TRMT11: variants seen among roughly 807,000 people sequenced by gnomAD.
TRMT11 encodes the protein tRNA methyltransferase 11, also known as tRNA (guanine(10)-N(2))-methyltransferase TRMT11.
A neutral mutation model predicts 62.8 loss-of-function variants in TRMT11; 53 were observed. That is an observed-to-expected ratio of 0.84 (90% CI 0.68 to 1.06). The LOEUF is 1.06. Among genes scored for constraint, TRMT11 ranks in the 50% least tolerant of loss-of-function variants. The probability of loss-of-function intolerance (pLI) is 0.00; values close to 1 mark genes in which losing one functional copy is unlikely to be tolerated. For missense variants in TRMT11, 556 were observed against 553.4 expected, an observed-to-expected ratio of 1.00 and a Z score of -0.05; for synonymous variants, 188 against 190.3, an observed-to-expected ratio of 0.99 and a Z score of 0.10.
At chr6:126,181,373 C>T (rs1293221708) in intron 1 of TRMT11, among the ~76,000 whole-genome samples, 1 of 152,172 alleles carries the variant, frequency 6.6e-6, no homozygotes, top group African/African-American at 2.4e-5. Flanking sequence ...GTTAGTCCCA[C>T]TCCTGTCCTC....
chr6:126,006,142 A>T lies in TRMT11; in HGVS notation c.680-2250A>T, dbSNP rs140724732. On this transcript the variant is annotated intron_variant, in intron 7 of 12. Coordinates refer to ENST00000334379, the MANE Select transcript of TRMT11 (RefSeq NM_001031712.3). Reference sequence around the variant, plus strand: ...GCATTTTTTTCCCACTACCCTTTGTAGTCCCCTTTTCCTGGAATCCCATGG... The same window carrying T: ...GCATTTTTTTCCCACTACCCTTTGTTGTCCCCTTTTCCTGGAATCCCATGG... Among the ~76,000 whole-genome samples, 622 of 152,022 alleles carry T rather than the reference A, an allele frequency of 4.1e-3. 1 individual carries two copies. The highest frequency in any genetic ancestry group is 0.014 in the African/African-American group (575 of 41,496).
In TRMT11 at chr6:125,998,130, A is replaced by C. The variant is rs1396487188; in HGVS notation, c.290A>C (p.Lys97Thr). The C allele has an allele frequency of 1.2e-6, 2 of 1,613,324 alleles. No individual in the cohort carries two copies. The highest frequency in any genetic ancestry group is 3.3e-5 in the Admixed American group (2 of 60,016). ...TCTCTTAAAAACTACCCTGTGGAGA[A>C]GATGGTGCGTAGTAAAATGTGGTTT... Reference protein sequence around the residue: ...YSSLKNYPVEKMVPFLHSDST... With the variant: ...YSSLKNYPVETMVPFLHSDST... The change falls in exon 4 of 13, where the codon AAG (lysine) becomes ACG (threonine). Residue 97 changes from lysine (K) to threonine (T), a missense_variant. Physicochemically the swap from Lys to Thr is moderately conservative, Grantham distance 78. Transcript: ENST00000334379.
chr6:126,083,235 A>G (rs1258011644), intron 17 of TRMT11, among the ~76,000 whole-genome samples: 3 of 152,110 alleles, frequency 2.0e-5, no homozygotes, highest in Non-Finnish European at 4.4e-5. Flanking sequence ...CTATGAGGCA[A>G]CCTGAAGTGC....
chr6:126,089,359 G>C lies in TRMT11; in HGVS notation c.*1438-23507G>C, dbSNP rs946946875. On this transcript the variant is annotated intron_variant and NMD_transcript_variant, in intron 17 of 22. Transcript: ENST00000648977. ...GAACTCCTGACCTCGGGATCCGCCT[G>C]TCTCGGCCTCCCAAAGTGCTGGGAT... 2.6e-5 allele frequency among the ~76,000 whole-genome samples: 4 copies of C among 152,232 alleles called. No individual in the cohort carries two copies. The East Asian group carries it at 7.7e-4, about 29-fold the overall frequency.
intron 1 of TRMT11, among the ~76,000 whole-genome samples, chr6:126,198,454 C>A (rs1159883923): frequency 6.6e-6 from 1 of 152,118 alleles, no homozygotes; most frequent in Non-Finnish European, 1.5e-5. Flanking sequence ...ATTTCCATAT[C>A]TTATTTTCAG....
chr6:125,997,383 TTAACATGAAA>T (rs1791688384), intron 3 of TRMT11, among the ~76,000 whole-genome samples: 1 of 152,254 alleles, frequency 6.6e-6, no homozygotes, highest in African/African-American at 2.4e-5. Context: ...TAATTTATTA[TTAACATGAAA>T]TATTTTGAGC....
chr6:126,163,270 G>C (rs769411287), intron 21 of TRMT11, among the ~76,000 whole-genome samples: 6 of 151,556 alleles, frequency 4.0e-5, no homozygotes, highest in African/African-American at 1.2e-4. Flanking sequence ...TAGCGTGAAG[G>C]GGTGTTGAAT....
At chr6:126,058,521 G>A (rs1387464213) in intron 17 of TRMT11, among the ~76,000 whole-genome samples, 1 of 152,106 alleles carries the variant, frequency 6.6e-6, no homozygotes. Context: ...GATCCTTGAG[G>A]AATCGCCACA....
intron 21 of TRMT11, among the ~76,000 whole-genome samples, chr6:126,130,075 C>T (rs920479626): frequency 3.9e-5 from 6 of 152,056 alleles, no homozygotes; most frequent in Non-Finnish European, 8.8e-5. Flanking sequence ...ATGAATGTTA[C>T]ACTGGCATAG....
the TRMT11 span, among the ~76,000 whole-genome samples, chr6:126,258,777 G>C: frequency 6.6e-6 from 1 of 151,690 alleles, no homozygotes; most frequent in Admixed American, 6.6e-5. Flanking sequence ...TCTAGTTAAA[G>C]TTTCTCAATT....
At chr6:126,051,975 G>T (rs567000264) in intron 16 of TRMT11, among the ~76,000 whole-genome samples, 1 of 152,226 alleles carries the variant, frequency 6.6e-6, no homozygotes, top group African/African-American at 2.4e-5. Flanking sequence ...TTCCTTCTGT[G>T]CCGTTTTCCC....
At chr6:126,048,989 A>G (rs1044070682) in intron 16 of TRMT11, among the ~76,000 whole-genome samples, 44 of 152,328 alleles carry the variant, frequency 2.9e-4, no homozygotes, top group Middle Eastern at 3.4e-3. Context: ...TTGGTATGAC[A>G]ATGATACGCC....
At chr6:125,992,772 G>C (rs1383432709) in intron 1 of TRMT11, among the ~76,000 whole-genome samples, 1 of 152,218 alleles carries the variant, frequency 6.6e-6, no homozygotes, top group Non-Finnish European at 1.5e-5. Context: ...TTTCCTTGCT[G>C]CAAAATAACC....
In TRMT11 at chr6:125,986,632, T is replaced by C; in HGVS notation, c.72+10T>C. 6.3e-7 allele frequency: 1 copy of C among 1,576,180 alleles called. No individual in the cohort carries two copies. The highest frequency in any genetic ancestry group is 8.6e-7 in the Non-Finnish European group (1 of 1,162,334). On this transcript the variant is annotated intron_variant, in intron 1 of 12. Coordinates refer to ENST00000334379, the MANE Select transcript of TRMT11 (RefSeq NM_001031712.3). The stretch of plus-strand genomic sequence containing the variant: ...GGAGTTCCGCCTGCCGGTGAGTCCG[T>C]AGCGCCCTCCGGAACTTCCGACGGA...
exon 20 of TRMT11, among the ~76,000 whole-genome samples, chr6:126,115,451 A>G (rs1442388304): frequency 1.3e-5 from 2 of 152,110 alleles, no homozygotes; most frequent in Non-Finnish European, 1.5e-5. Flanking sequence ...ATTGAATGCT[A>G]TTGCTTAGAG....
the TRMT11 span, among the ~76,000 whole-genome samples, chr6:126,232,140 A>T: frequency 1.5e-4 from 23 of 151,634 alleles, no homozygotes; most frequent in African/African-American, 4.6e-4. Context: ...ACTGAGAGAC[A>T]TTTGTGTTTG....
chr6:126,080,008 C>A (rs1583868753), intron 17 of TRMT11, among the ~76,000 whole-genome samples: 1 of 152,184 alleles, frequency 6.6e-6, no homozygotes, highest in Admixed American at 6.5e-5. Context: ...CAGGGTGATT[C>A]TAAAAATGAA....
intron 17 of TRMT11, among the ~76,000 whole-genome samples, chr6:126,099,115 T>C (rs1026540967): frequency 2.6e-5 from 4 of 152,194 alleles, no homozygotes; most frequent in African/African-American, 9.7e-5. Flanking sequence ...AAATTATTCA[T>C]TGTTAGCTTC....
At chr6:126,171,010 A>AT (rs1247617486) in intron 21 of TRMT11, among the ~76,000 whole-genome samples, 1 of 152,160 alleles carries the variant, frequency 6.6e-6, no homozygotes, top group Non-Finnish European at 1.5e-5. Flanking sequence ...GAGCAGGTTG[A>AT]TCCCCACTTA....
Sources: gnomAD v4.1 joint callset for allele counts (sites outside exome capture counted in the v4.1 genomes callset) on GRCh38, gnomAD v4.1.1 for gene constraint, MANE v1.5 for transcripts, NCBI Gene and HGNC (gene_info 2026-07-23, HGNC 2026-07-21) for gene names.